Variants in ITPR2 observed in about 807,000 individuals in gnomAD.
ITPR2 encodes the protein inositol 1,4,5-trisphosphate-gated calcium channel ITPR2.
Under a neutral mutation model 317.1 loss-of-function variants are expected in ITPR2, and 207 were observed. That is an observed-to-expected ratio of 0.65 (90% CI 0.58 to 0.73). ITPR2 has a LOEUF of 0.73. Ranked by LOEUF, ITPR2 falls within the 30% of genes least tolerant of loss-of-function variation. The pLI, the probability that ITPR2 is intolerant of heterozygous loss-of-function variation, is 0.00. For missense variants in ITPR2, 2,613 were observed against 3,284.0 expected (o/e 0.80, Z 4.99); for synonymous variants, 1,156 against 1,149.1 (o/e 1.01, Z -0.12).
intron 2 of ITPR2, among the ~76,000 whole-genome samples, chr12:26,782,037 T>TATAGAGAGAG (rs1950102369): frequency 5.8e-5 from 3 of 51,734 alleles, no homozygotes; most frequent in African/African-American, 1.1e-4. Flanking sequence ...TATATATGTA[T>TATAGAGAGAG]AGAGAGAGAG....
intron 45 of ITPR2, among the ~76,000 whole-genome samples, chr12:26,458,259 G>A (rs1465192572): frequency 6.6e-6 from 1 of 152,194 alleles, no homozygotes; most frequent in Non-Finnish European, 1.5e-5. Context: ...GGCTGTCCAG[G>A]TGAGGGCGGT....
At chr12:26,593,392 A>T (rs1446809426) in intron 32 of ITPR2, among the ~76,000 whole-genome samples, 2 of 152,140 alleles carry the variant, frequency 1.3e-5, no homozygotes, top group East Asian at 3.8e-4. Flanking sequence ...ATTTAACCAC[A>T]CTTAGTTTTA....
intron 49 of ITPR2, among the ~76,000 whole-genome samples, chr12:26,420,956 G>A (rs528240593): frequency 1.3e-5 from 2 of 152,150 alleles, no homozygotes; most frequent in African/African-American, 2.4e-5. Flanking sequence ...TCATCAATAT[G>A]AATTAGAAAT....
At chr12:26,826,338 T>C (rs1390415341) in intron 1 of ITPR2, among the ~76,000 whole-genome samples, 1 of 152,194 alleles carries the variant, frequency 6.6e-6, no homozygotes, top group African/African-American at 2.4e-5. Flanking sequence ...TCAAAATGTT[T>C]AGCAGGAAAA....
At chr12:26,787,358 A>C (rs1329821944) in intron 2 of ITPR2, among the ~76,000 whole-genome samples, 2 of 152,246 alleles carry the variant, frequency 1.3e-5, no homozygotes, top group Admixed American at 1.3e-4. Context: ...AATGACCTCA[A>C]TGACTGGATT....
At chr12:26,693,078 G>GCTCTCAAGCTAGGCACTTCAGTTGATGTA in intron 10 of ITPR2, among the ~76,000 whole-genome samples, 1 of 152,110 alleles carries the variant, frequency 6.6e-6, no homozygotes, top group South Asian at 2.1e-4. Flanking sequence ...AATTTTCTTT[G>GCTCTCAAGCTAGGCACTTCAGTTGATGTA]CTCTCAAGCT....
intron 26 of ITPR2, among the ~76,000 whole-genome samples, chr12:26,605,101 AT>A (rs55924912): frequency 0.14 from 16,286 of 116,706 alleles, 1,567 homozygotes; most frequent in Admixed American, 0.19. Flanking sequence ...AAAAAAAAAA[AT>A]AAAAATAAAA....
At chr12:26,657,583 C>G in intron 18 of ITPR2, 124 bp downstream of exon 18, 1 of 715,016 alleles carries the variant, frequency 1.4e-6, no homozygotes, top group East Asian at 2.5e-5. Flanking sequence ...TTTCAGCTAC[C>G]CTAGTTCTGA....
At position 26,659,218 on chromosome 12, in the gene ITPR2, G is replaced by A; in HGVS notation, c.1781C>T (p.Thr594Ile). ...QIGYDILAED[T>I]ITALLHNNRK... ...GTTGTTGTGCAACAAAGCTGTGATA[G>A]TATCTTCTGCCAAAATATCATAGCC... The change falls in exon 16 of 57, where the codon ACT (threonine) becomes ATT (isoleucine). Residue 594 changes from threonine (T) to isoleucine (I), a missense_variant. Physicochemically the swap from Thr to Ile is moderately conservative, Grantham distance 89. Transcript: ENST00000381340. The A allele has an allele frequency of 6.2e-7, 1 of 1,613,142 alleles. No homozygotes were observed. The highest frequency in any genetic ancestry group is 8.5e-7 in the Non-Finnish European group (1 of 1,179,332).
intron 9 of ITPR2, among the ~76,000 whole-genome samples, chr12:26,700,764 G>T (rs1948430568): frequency 6.6e-6 from 1 of 152,186 alleles, no homozygotes; most frequent in African/African-American, 2.4e-5. Flanking sequence ...AAGGGCAGTG[G>T]TCCAAGGAAG....
chr12:26,691,692 A>T (rs1224962090), intron 10 of ITPR2, among the ~76,000 whole-genome samples: 1 of 151,930 alleles, frequency 6.6e-6, no homozygotes, highest in Non-Finnish European at 1.5e-5. Flanking sequence ...CCCCTAGAAC[A>T]CCTTCTCTGC....
At chr12:26,423,595 A>T (rs1461069185) in intron 49 of ITPR2, among the ~76,000 whole-genome samples, 1 of 152,220 alleles carries the variant, frequency 6.6e-6, no homozygotes, top group African/African-American at 2.4e-5. Flanking sequence ...TGGAGTGGTT[A>T]TAACGCCCAT....
chr12:26,823,747 T>C (rs957134110), intron 1 of ITPR2, among the ~76,000 whole-genome samples: 3 of 148,602 alleles, frequency 2.0e-5, no homozygotes, highest in Non-Finnish European at 4.4e-5. Context: ...GTATAAACTA[T>C]GGTAACCCAT....
intron 32 of ITPR2, among the ~76,000 whole-genome samples, chr12:26,593,782 C>G (rs1945767349): frequency 6.6e-6 from 1 of 151,440 alleles, no homozygotes; most frequent in Admixed American, 6.6e-5. Context: ...AATCTGTACA[C>G]CTTTGCCTTG....
chr12:26,349,173 C>T (rs1232754962), intron 55 of ITPR2, among the ~76,000 whole-genome samples: 1 of 152,158 alleles, frequency 6.6e-6, no homozygotes, highest in African/African-American at 2.4e-5. Context: ...AAAAACTATT[C>T]TTGGACTGAC....
At chr12:26,772,958 T>G (rs970329310) in intron 2 of ITPR2, among the ~76,000 whole-genome samples, 5 of 152,050 alleles carry the variant, frequency 3.3e-5, no homozygotes, top group African/African-American at 9.7e-5. Flanking sequence ...CGTGTGTCCA[T>G]GTGTTCTCAT....
chr12:26,586,494 T>C (rs1000661339), intron 32 of ITPR2, among the ~76,000 whole-genome samples: 3 of 152,236 alleles, frequency 2.0e-5, no homozygotes, highest in Non-Finnish European at 4.4e-5. Flanking sequence ...GAAATGGCTA[T>C]GATTTTCCTT....
At chr12:26,650,637 T>C (rs1026689017) in intron 21 of ITPR2, among the ~76,000 whole-genome samples, 5 of 152,212 alleles carry the variant, frequency 3.3e-5, no homozygotes, top group Non-Finnish European at 2.9e-5. Context: ...ATACTCTTCA[T>C]GGTGAAACAC....
intron 3 of ITPR2, 93 bp from the exon 4 acceptor site, chr12:26,724,835 C>G: frequency 1.3e-6 from 1 of 744,712 alleles, no homozygotes. Context: ...AAGACTATAG[C>G]CAGGAATAAA....
Sources: allele counts gnomAD v4.1 joint callset (sites outside exome capture counted in the v4.1 genomes callset), GRCh38; gene constraint gnomAD v4.1.1; transcripts MANE v1.5; gene names NCBI Gene and HGNC (gene_info 2026-07-23, HGNC 2026-07-21).